The following SLC25A40 variants were observed in gnomAD, a reference collection of about 807,000 sequenced individuals.
SLC25A40 encodes solute carrier family 25 member 40.
SLC25A40 carries 41 observed loss-of-function variants against 46.5 expected under a neutral mutation model. That is an observed-to-expected ratio of 0.88 (90% confidence interval 0.69 to 1.14). The LOEUF (loss-of-function observed/expected upper bound fraction) is 1.14, where lower values mean the gene tolerates loss of function less well. SLC25A40 is among the 50% of genes most tolerant of loss of function. The pLI is 0.00. For missense variants in SLC25A40, 386 were observed against 393.6 expected (o/e 0.98, Z 0.16); for synonymous variants, 126 against 127.5 (o/e 0.99, Z 0.08).
chr7:87,850,050 A>G, intron 5 of SLC25A40, 102 bp from the exon 6 acceptor site: 1 of 728,988 alleles, frequency 1.4e-6, no homozygotes, highest in Non-Finnish European at 2.2e-6. Context: ...AGGTATTTAT[A>G]TCTAAAAAAA....
At chr7:87,841,784 C>T in intron 9 of SLC25A40, 70 bp from the exon 10 acceptor site, 1 of 838,442 alleles carries the variant, frequency 1.2e-6, no homozygotes, top group South Asian at 2.2e-5. Context: ...TTACATTCTT[C>T]TTATTAGTAT....
At chr7:87,842,980 T>C (rs1838357124) in intron 9 of SLC25A40, among the ~76,000 whole-genome samples, 1 of 152,178 alleles carries the variant, frequency 6.6e-6, no homozygotes, top group Admixed American at 6.6e-5. Flanking sequence ...AATATTTATA[T>C]CTAAGTTTTA....
rs891641852 is a variant in SLC25A40, at chr7:87,848,115, T to C, written c.333-138A>G. ...CTAAAAACTACAATAAATCAGCCTA[T>C]GAGATCAATTTTTCTTTTAGTTTAA... is the stretch of plus-strand genomic sequence containing the variant. On this transcript the variant is annotated intron_variant, in intron 6 of 11. Transcript: ENST00000341119. 6.3e-6 allele frequency: 6 copies of C among 949,844 alleles called. No homozygotes were observed. The African/African-American group carries it at 6.9e-5, about 11-fold the overall frequency. 58.8% of individuals were successfully genotyped at this position (949,844 alleles called of 1,614,324 possible).
rs746814136 is a variant in SLC25A40 at position 87,846,966 on chromosome 7, C to A, written c.614G>T (p.Arg205Ile). Residue 205 changes from arginine (R) to isoleucine (I), a missense_variant, in exon 8 of 12, where the codon AGA (arginine) becomes ATA (isoleucine). Arg to Ile is a moderately conservative substitution (Grantham distance 97). Coordinates refer to ENST00000341119, the MANE Select transcript of SLC25A40 (RefSeq NM_018843.4). ...AATCCTACCTGAGAAAGGTACATCT[C>A]TAAGAACAGTAGGAGCCCAGCCCCT... ...LWRGWAPTVLRDVPFSAMYWY... is the reference protein window; with the variant it reads ...LWRGWAPTVLIDVPFSAMYWY... 3.7e-6 allele frequency: 6 copies of A among 1,611,048 alleles called. No individual in the cohort carries two copies. In the South Asian group the frequency reaches 6.6e-5, roughly 18 times the overall value.
chr7:87,862,172 C>A (rs1562748640), intron 1 of SLC25A40, among the ~76,000 whole-genome samples: 1 of 152,042 alleles, frequency 6.6e-6, no homozygotes, highest in Non-Finnish European at 1.5e-5. Flanking sequence ...TTTTTTCTGT[C>A]CCACTTTCTA....
intron 9 of SLC25A40, among the ~76,000 whole-genome samples, chr7:87,843,231 T>C (rs1838359984): frequency 6.6e-6 from 1 of 152,092 alleles, no homozygotes; most frequent in Non-Finnish European, 1.5e-5. Context: ...GACTTTGATA[T>C]CATTCTACAG....
At chr7:87,867,745 CTTTG>C (rs2131021916) in intron 1 of SLC25A40, among the ~76,000 whole-genome samples, 2 of 152,304 alleles carry the variant, frequency 1.3e-5, no homozygotes, top group East Asian at 3.9e-4. Context: ...CTTAGACACT[CTTTG>C]TAATTTATCT....
At chr7:87,862,037 G>A (rs10237201) in intron 1 of SLC25A40, among the ~76,000 whole-genome samples, 2 of 151,560 alleles carry the variant, frequency 1.3e-5, no homozygotes, top group Non-Finnish European at 2.9e-5. Flanking sequence ...AAGGCAAAAC[G>A]CTACTCCCAG....
intron 8 of SLC25A40, among the ~76,000 whole-genome samples, chr7:87,844,303 TGTTAACAAAACC>T (rs1838380438): frequency 6.6e-6 from 1 of 152,148 alleles, no homozygotes; most frequent in Admixed American, 6.5e-5. Context: ...CATATTACCA[TGTTAACAAAACC>T]ATGGGATCAT....
At chr7:87,864,038 T>A (rs1223765743) in intron 1 of SLC25A40, among the ~76,000 whole-genome samples, 1 of 152,230 alleles carries the variant, frequency 6.6e-6, no homozygotes, top group Non-Finnish European at 1.5e-5. Context: ...GCGACAGAAT[T>A]TCATTCTCAT....
At chr7:87,852,969 A>C (rs1185385412) in intron 5 of SLC25A40, among the ~76,000 whole-genome samples, 1 of 152,226 alleles carries the variant, frequency 6.6e-6, no homozygotes, top group Non-Finnish European at 1.5e-5. Flanking sequence ...AGCATGACCT[A>C]TAAAAGATAT....
intron 3 of SLC25A40, among the ~76,000 whole-genome samples, chr7:87,858,377 C>T (rs1004502441): frequency 6.6e-6 from 1 of 151,986 alleles, no homozygotes. Context: ...GTTCTTACAC[C>T]CCCTCCCCTT....
At chr7:87,836,573 CTTTTA>C (rs1245830438) in intron 11 of SLC25A40, among the ~76,000 whole-genome samples, 152 bp downstream of exon 11, 3 of 151,168 alleles carry the variant, frequency 2.0e-5, no homozygotes, top group East Asian at 1.9e-4. Flanking sequence ...GATAGTAAAT[CTTTTA>C]TTTAACATTT....
intron 1 of SLC25A40, among the ~76,000 whole-genome samples, chr7:87,874,391 G>T (rs1838944496): frequency 6.6e-6 from 1 of 152,088 alleles, no homozygotes. Context: ...ACCTTCCAAA[G>T]ATCCAGTCTT....
chr7:87,866,480 T>C (rs549984018), intron 1 of SLC25A40, among the ~76,000 whole-genome samples: 1 of 152,358 alleles, frequency 6.6e-6, no homozygotes, highest in African/African-American at 2.4e-5. Context: ...TCTTTATCCT[T>C]GCCCTTTTAG....
chr7:87,868,586 TG>T (rs2131022737), intron 1 of SLC25A40, among the ~76,000 whole-genome samples: 1 of 152,172 alleles, frequency 6.6e-6, no homozygotes, highest in South Asian at 2.1e-4. Flanking sequence ...TTTGCTAGAG[TG>T]GTTCACAGAA....
chr7:87,868,710 G>A (rs898444350), intron 1 of SLC25A40, among the ~76,000 whole-genome samples: 1 of 152,100 alleles, frequency 6.6e-6, no homozygotes, highest in African/African-American at 2.4e-5. Flanking sequence ...TTCCCTTCCT[G>A]GGCATGCCAC....
rs954514897 is a variant in SLC25A40, at chr7:87,833,853, ATGT to A, written c.*2393_*2395del. 1 of 151,678 alleles carries A rather than the reference ATGT, an allele frequency of 6.6e-6. No homozygotes were observed. The highest frequency in any genetic ancestry group is 6.6e-5 in the Admixed American group (1 of 15,146). 9.4% of individuals were successfully genotyped at this position (151,678 alleles called of 1,614,324 possible). A position where few individuals can be genotyped will look rare whatever the true frequency, so the allele number is the denominator to read the frequency against. On this transcript the variant is annotated 3_prime_UTR_variant, in exon 12 of 12. Transcript: ENST00000341119. ...TCCACCCTTTGATAGGCCCCAGTAC[ATGT>A]TGTTCCAAGAGGGAAAAATTTAAAA...
chr7:87,871,053 G>C (rs1042635000), intron 1 of SLC25A40, among the ~76,000 whole-genome samples: 1 of 152,142 alleles, frequency 6.6e-6, no homozygotes, highest in Non-Finnish European at 1.5e-5. Context: ...CCACAGGGCC[G>C]GTACAGTTTG....
Sources: allele counts gnomAD v4.1 joint callset (sites outside exome capture counted in the v4.1 genomes callset), GRCh38; gene constraint gnomAD v4.1.1; transcripts MANE v1.5; gene names NCBI Gene and HGNC (gene_info 2026-07-23, HGNC 2026-07-21).